EML5: variants seen among roughly 807,000 people sequenced by gnomAD.
EML5 encodes echinoderm microtubule-associated protein-like 5.
Under a neutral mutation model 250.0 loss-of-function variants are expected in EML5, and 120 were observed. That is an observed-to-expected ratio of 0.48 (90% CI 0.41 to 0.56). EML5 has a LOEUF of 0.56. EML5 is among the 20% of genes least tolerant of loss of function. EML5 has a pLI of 0.00. For missense variants in EML5, 2,006 were observed against 2,437.6 expected (o/e 0.82, Z 3.73); for synonymous variants, 771 against 806.5 (o/e 0.96, Z 0.75).
At chr14:88,788,436 A>AT in intron 1 of EML5, among the ~76,000 whole-genome samples, 1 of 152,286 alleles carries the variant, frequency 6.6e-6, no homozygotes, top group Middle Eastern at 3.4e-3. Context: ...AACAGTTATT[A>AT]TTTTAACCTG....
intron 9 of EML5, among the ~76,000 whole-genome samples, chr14:88,713,591 T>C (rs2093441030): frequency 6.6e-6 from 1 of 150,708 alleles, no homozygotes; most frequent in Non-Finnish European, 1.5e-5. Context: ...ATCCTCCCAC[T>C]GCAGGTGCAT....
intron 27 of EML5, among the ~76,000 whole-genome samples, chr14:88,653,420 T>C (rs937825427): frequency 2.0e-5 from 3 of 152,306 alleles, no homozygotes; most frequent in South Asian, 2.1e-4. Context: ...GAGTATGATA[T>C]TGGCTGTGGG....
intron 10 of EML5, among the ~76,000 whole-genome samples, chr14:88,708,145 G>A (rs1166790818): frequency 3.3e-5 from 5 of 152,056 alleles, no homozygotes; most frequent in African/African-American, 9.7e-5. Flanking sequence ...TGTAAAATAA[G>A]TCTAAGAGAA....
intron 13 of EML5, 131 bp downstream of exon 13, chr14:88,704,729 C>T: frequency 1.9e-5 from 11 of 585,562 alleles, no homozygotes; most frequent in South Asian, 3.1e-5. Context: ...ATGTGTTTTC[C>T]CCATGGGCAA....
At chr14:88,786,561 T>C (rs188425262) in intron 1 of EML5, among the ~76,000 whole-genome samples, 7 of 152,364 alleles carry the variant, frequency 4.6e-5, no homozygotes, top group Admixed American at 1.3e-4. Flanking sequence ...GGTTTGGCTC[T>C]GTGTCCCCAC....
chr14:88,647,754 A>G (rs959609630), intron 28 of EML5, among the ~76,000 whole-genome samples: 2 of 151,800 alleles, frequency 1.3e-5, no homozygotes, highest in Non-Finnish European at 2.9e-5. Context: ...AAGAAAGGTG[A>G]AAAAAGAAAA....
Position 88,786,429 on chromosome 14 carries a change from T to C in EML5, c.197+5878A>G, listed in dbSNP as rs368825758. ...ACTGCCATATCTCTAGTGATAAGAA[T>C]AGTCTTTGGCAAATAATAGGTGTTC... On this transcript the variant is annotated intron_variant, in intron 1 of 43. Coordinates refer to ENST00000554922, the MANE Select transcript of EML5 (RefSeq NM_183387.3). Among the ~76,000 whole-genome samples the C allele has an allele frequency of 4.6e-5, 7 of 152,330 alleles. No homozygotes were observed. The South Asian group carries it at 1.0e-3, about 23-fold the overall frequency.
chr14:88,686,119 A>G (rs937393352), intron 19 of EML5, among the ~76,000 whole-genome samples: 1 of 152,072 alleles, frequency 6.6e-6, no homozygotes, highest in Non-Finnish European at 1.5e-5. Context: ...AGAGGAGATG[A>G]GGGTGGGGGA....
intron 21 of EML5, among the ~76,000 whole-genome samples, chr14:88,671,474 T>C (rs1410167555): frequency 6.6e-6 from 1 of 152,118 alleles, no homozygotes; most frequent in Non-Finnish European, 1.5e-5. Flanking sequence ...AAATCAATGA[T>C]ACTACGAAGC....
At chr14:88,618,487 C>A in intron 40 of EML5, 156 bp from the exon 41 acceptor site, 1 of 1,083,712 alleles carries the variant, frequency 9.2e-7, no homozygotes, top group South Asian at 1.6e-5. Flanking sequence ...AGGAGAAAAG[C>A]TCTGATAAGT....
In EML5 at chr14:88,616,225, G is replaced by A; in HGVS notation, c.5814C>T (p.Phe1938=). Residue 1938 remains phenylalanine (F), a synonymous_variant, in exon 43 of 44, where the codon TTC becomes TTT. Coordinates refer to ENST00000554922, the MANE Select transcript of EML5 (RefSeq NM_183387.3). ...CPEKFAKHKR[F]LGHSPHVTNI... ...TTGTCACATGGGGCGAATGACCCAA[G>A]AACCTTTTGTGTTTTGCCTAAAAAA... 1.9e-6 allele frequency: 3 copies of A among 1,613,856 alleles called. No homozygotes were observed. In the South Asian group the frequency reaches 3.3e-5, roughly 18 times the overall value.
Position 88,679,994 on chromosome 14 carries a change from T to G in EML5, c.3124+1896A>C, listed in dbSNP as rs899014374. Among the ~76,000 whole-genome samples, 10 of 152,296 alleles carry G rather than the reference T, an allele frequency of 6.6e-5. No homozygotes were observed. In the South Asian group the frequency reaches 2.1e-3, roughly 32 times the overall value. On this transcript the variant is annotated intron_variant, in intron 21 of 43. Transcript: ENST00000554922. ...CATTAATAAACTTTGCTCCTTAAGG[T>G]TGCTTTAAAAGAAACATCAGTTATT...
At chr14:88,665,531 TA>T in intron 21 of EML5, 42 bp from the exon 22 acceptor site, 1 of 1,611,842 alleles carries the variant, frequency 6.2e-7, no homozygotes, top group East Asian at 2.2e-5. Context: ...CCCTTTTTTC[TA>T]ATTTAAAGTA....
chr14:88,780,721 G>A lies in EML5; in HGVS notation c.197+11586C>T, dbSNP rs560474579. On this transcript the variant is annotated intron_variant, in intron 1 of 43. Coordinates refer to ENST00000554922, the MANE Select transcript of EML5 (RefSeq NM_183387.3). ...CTCCCAAGTACCTGGGATTACAGGC[G>A]CGCGCCATCATGCCCAGCTAATTTT... Among the ~76,000 whole-genome samples the A allele has an allele frequency of 1.8e-4, 27 of 152,180 alleles. 1 individual carries two copies. Among genetic ancestry groups the A allele is most frequent in the South Asian group, 4.1e-4 (2 of 4,822 alleles).
intron 9 of EML5, 101 bp downstream of exon 9, chr14:88,714,838 T>A: frequency 1.7e-6 from 2 of 1,179,930 alleles, no homozygotes; most frequent in Non-Finnish European, 2.4e-6. Context: ...TCAGATCTTC[T>A]TTGATTTCCT....
chr14:88,766,354 G>A (rs1046837039), intron 1 of EML5, among the ~76,000 whole-genome samples: 15 of 152,136 alleles, frequency 9.9e-5, no homozygotes, highest in Non-Finnish European at 1.6e-4. Context: ...CTTTTTCTCA[G>A]CAAGGAACAT....
At chr14:88,630,934 T>G (rs374765877) in intron 33 of EML5, among the ~76,000 whole-genome samples, 1 of 152,162 alleles carries the variant, frequency 6.6e-6, no homozygotes, top group Admixed American at 6.5e-5. Context: ...ACTCCTGAAG[T>G]AGCACACTCC....
In EML5 at chr14:88,741,518, T is replaced by C. The variant is rs771109441; in HGVS notation, c.526-946A>G. On this transcript the variant is annotated intron_variant, in intron 4 of 43. Transcript: ENST00000554922. ...TTAGGTGGAATTAGGTAAATTTTTA[T>C]AGTTCACGGAGAGAAATTTAAAGAA... Among the ~76,000 whole-genome samples the C allele has an allele frequency of 2.0e-5, 3 of 152,188 alleles. No individual in the cohort carries two copies. In the South Asian group the frequency reaches 6.2e-4, roughly 32 times the overall value.
chr14:88,741,498 T>C (rs907968175), intron 4 of EML5, among the ~76,000 whole-genome samples: 7 of 152,114 alleles, frequency 4.6e-5, no homozygotes, highest in African/African-American at 1.7e-4. Flanking sequence ...TTCTATTAGG[T>C]GGAATTAGGT....
Sources: gnomAD v4.1 joint callset for allele counts (sites outside exome capture counted in the v4.1 genomes callset) on GRCh38, gnomAD v4.1.1 for gene constraint, MANE v1.5 for transcripts, NCBI Gene and HGNC (gene_info 2026-07-23, HGNC 2026-07-21) for gene names.